The following TDRD3 variants were observed in gnomAD, a reference collection of about 807,000 sequenced individuals.
TDRD3 encodes the protein tudor domain containing 3.
A neutral mutation model predicts 86.7 loss-of-function variants in TDRD3; 45 were observed. The observed-to-expected ratio is 0.52, with a 90% confidence interval of 0.41 to 0.67. The LOEUF is 0.67. TDRD3 is among the 30% of genes least tolerant of loss of function. The pLI is 0.00. For missense variants in TDRD3, 814 were observed against 889.0 expected, an observed-to-expected ratio of 0.92 and a Z score of 1.07; for synonymous variants, 298 against 301.7, an observed-to-expected ratio of 0.99 and a Z score of 0.13.
intron 12 of TDRD3, among the ~76,000 whole-genome samples, chr13:60,558,132 A>AT (rs1958243705): frequency 6.6e-6 from 1 of 151,910 alleles, no homozygotes; most frequent in Non-Finnish European, 1.5e-5. Context: ...TTTTATTCTG[A>AT]TTTTTTAAAA....
intron 5 of TDRD3, among the ~76,000 whole-genome samples, chr13:60,473,843 A>G (rs1956125252): frequency 6.6e-6 from 1 of 152,102 alleles, no homozygotes; most frequent in Non-Finnish European, 1.5e-5. Flanking sequence ...GAAGGTGCCG[A>G]TTACCTAGTG....
intron 10 of TDRD3, among the ~76,000 whole-genome samples, chr13:60,525,086 C>CA (rs372010456): frequency 0.17 from 6,608 of 39,426 alleles, 525 homozygotes; most frequent in African/African-American, 0.23. Context: ...AATTTTCTCT[C>CA]AAAAAAAAAA....
chr13:60,405,685 G>GGGACAGGTC (rs1773506914), intron 1 of TDRD3, among the ~76,000 whole-genome samples: 1 of 152,192 alleles, frequency 6.6e-6, no homozygotes, highest in African/African-American at 2.4e-5. Flanking sequence ...GAGCTACCTA[G>GGGACAGGTC]GGACAGGTCA....
chr13:60,454,924 A>G (rs1021871061), intron 3 of TDRD3, among the ~76,000 whole-genome samples: 2 of 151,114 alleles, frequency 1.3e-5, no homozygotes, highest in African/African-American at 4.9e-5. Flanking sequence ...TGGTTGATTG[A>G]TTGATTGAGA....
intron 10 of TDRD3, among the ~76,000 whole-genome samples, chr13:60,514,372 C>G (rs949614641): frequency 6.6e-6 from 1 of 152,200 alleles, no homozygotes; most frequent in Non-Finnish European, 1.5e-5. Flanking sequence ...TGTTTGGGTT[C>G]TCAGGGACAC....
At chr13:60,470,410 A>G (rs1956051023) in intron 5 of TDRD3, among the ~76,000 whole-genome samples, 1 of 152,126 alleles carries the variant, frequency 6.6e-6, no homozygotes, top group Non-Finnish European at 1.5e-5. Context: ...GCTGGACCAT[A>G]TAATTGTATT....
intron 4 of TDRD3, among the ~76,000 whole-genome samples, chr13:60,466,913 T>C (rs1955948781): frequency 6.6e-6 from 1 of 152,206 alleles, no homozygotes; most frequent in African/African-American, 2.4e-5. Context: ...TTGAAGAACC[T>C]GATTAGGTCA....
At chr13:60,461,604 A>G (rs1188368238) in intron 4 of TDRD3, among the ~76,000 whole-genome samples, 6 of 152,258 alleles carry the variant, frequency 3.9e-5, no homozygotes, top group Admixed American at 2.0e-4. Context: ...CTTGTATACC[A>G]TACTTTTCTC....
chr13:60,479,172 C>G (rs955438789), intron 5 of TDRD3, among the ~76,000 whole-genome samples: 2 of 152,150 alleles, frequency 1.3e-5, no homozygotes, highest in Non-Finnish European at 2.9e-5. Flanking sequence ...CTTATCACTG[C>G]TTTAGCAGCA....
intron 1 of TDRD3, among the ~76,000 whole-genome samples, chr13:60,414,678 C>A (rs1024050177): frequency 1.3e-5 from 2 of 152,078 alleles, no homozygotes; most frequent in Non-Finnish European, 1.5e-5. Flanking sequence ...TAAATCCTAA[C>A]TATTTGATAG....
At chr13:60,421,804 C>T (rs1954667834) in intron 1 of TDRD3, among the ~76,000 whole-genome samples, 1 of 152,126 alleles carries the variant, frequency 6.6e-6, no homozygotes, top group Non-Finnish European at 1.5e-5. Flanking sequence ...TGATCCAAGG[C>T]AGACCTCGAA....
chr13:60,454,695 T>A (rs1463918782), intron 3 of TDRD3, among the ~76,000 whole-genome samples: 1 of 152,162 alleles, frequency 6.6e-6, no homozygotes, highest in East Asian at 1.9e-4. Context: ...GAAGCAAACA[T>A]CTTCTTTGGA....
At chr13:60,517,352 T>C (rs1464705060) in intron 10 of TDRD3, among the ~76,000 whole-genome samples, 1 of 152,186 alleles carries the variant, frequency 6.6e-6, no homozygotes, top group Non-Finnish European at 1.5e-5. Context: ...AGAGAATGTG[T>C]ATATATTAGG....
intron 1 of TDRD3, among the ~76,000 whole-genome samples, chr13:60,419,765 A>G (rs983482960): frequency 5.3e-5 from 8 of 152,104 alleles, no homozygotes; most frequent in African/African-American, 1.7e-4. Context: ...AAACCTGCAC[A>G]TTCTGCACAT....
intron 6 of TDRD3, 32 bp from the exon 7 acceptor site, chr13:60,485,767 C>G (rs761997416): frequency 6.6e-7 from 1 of 1,508,726 alleles, no homozygotes; most frequent in Non-Finnish European, 8.9e-7. Context: ...TTTGGAACTA[C>G]TAAGTTGACT....
At chr13:60,484,335 T>C (rs1479038348) in intron 6 of TDRD3, among the ~76,000 whole-genome samples, 1 of 152,164 alleles carries the variant, frequency 6.6e-6, no homozygotes, top group Non-Finnish European at 1.5e-5. Flanking sequence ...CTGCTCTTGC[T>C]TTATCCCTGA....
At chr13:60,439,557 T>C (rs1278300854) in intron 1 of TDRD3, 131 bp from the exon 2 acceptor site, 2 of 640,122 alleles carry the variant, frequency 3.1e-6, no homozygotes, top group Non-Finnish European at 5.4e-6. Flanking sequence ...AGGGAATCCA[T>C]ATCCAAGACT....
chr13:60,530,194 C>T (rs1380996154), intron 11 of TDRD3, among the ~76,000 whole-genome samples: 1 of 152,114 alleles, frequency 6.6e-6, no homozygotes, highest in Non-Finnish European at 1.5e-5. Context: ...ATATTAAGTT[C>T]CTTGAAGGCT....
chr13:60,531,657 G>A (rs1411483105), intron 11 of TDRD3, among the ~76,000 whole-genome samples: 1 of 152,034 alleles, frequency 6.6e-6, no homozygotes, highest in Non-Finnish European at 1.5e-5. Context: ...ATTAAAACAG[G>A]CAACCCTTAC....
Sources: gnomAD v4.1 joint callset for allele counts (sites outside exome capture counted in the v4.1 genomes callset) on GRCh38, gnomAD v4.1.1 for gene constraint, MANE v1.5 for transcripts, NCBI Gene and HGNC (gene_info 2026-07-23, HGNC 2026-07-21) for gene names.